DIP2C: variants seen among roughly 807,000 people sequenced by gnomAD.
The protein encoded by DIP2C is disco-interacting protein 2 homolog C.
Under a neutral mutation model 192.4 loss-of-function variants are expected in DIP2C, and 33 were observed. The ratio of observed to expected loss-of-function variants is 0.17; its 90% confidence interval spans 0.13 to 0.23. The LOEUF is 0.23. DIP2C is among the 10% of genes least tolerant of loss of function. The probability of loss-of-function intolerance (pLI) is 1.00; values close to 1 mark genes in which losing one functional copy is unlikely to be tolerated. For missense variants in DIP2C, 1,537 were observed against 2,110.1 expected (o/e 0.73, Z 5.32); for synonymous variants, 979 against 864.1 (o/e 1.13, Z -2.33).
chr10:536,249 G>C (rs1847685880), intron 1 of DIP2C, among the ~76,000 whole-genome samples: 1 of 152,224 alleles, frequency 6.6e-6, no homozygotes, highest in African/African-American at 2.4e-5. Flanking sequence ...TTTTCTCTGT[G>C]TCTCAAATTT....
chr10:444,738 C>T (rs559008302), intron 3 of DIP2C, among the ~76,000 whole-genome samples: 4 of 152,326 alleles, frequency 2.6e-5, no homozygotes, highest in African/African-American at 7.2e-5. Context: ...AACTCATCGC[C>T]GTTGCCTATT....
chr10:531,514 T>A (rs1351625862), intron 1 of DIP2C, among the ~76,000 whole-genome samples: 1 of 152,184 alleles, frequency 6.6e-6, no homozygotes, highest in Non-Finnish European at 1.5e-5. Context: ...GTATCATACG[T>A]GCCGTTCACC....
At chr10:280,110 T>C (rs1443836599) in intron 36 of DIP2C, among the ~76,000 whole-genome samples, 2 of 152,212 alleles carry the variant, frequency 1.3e-5, no homozygotes, top group South Asian at 2.1e-4. Context: ...AAATCGACAA[T>C]CTGAGGACTT....
At chr10:644,052 C>T (rs1248075944) in intron 1 of DIP2C, among the ~76,000 whole-genome samples, 1 of 152,216 alleles carries the variant, frequency 6.6e-6, no homozygotes, top group African/African-American at 2.4e-5. Flanking sequence ...GCTTAGGAAG[C>T]TGCGGCTGTT....
At chr10:511,387 T>G (rs766760717) in intron 1 of DIP2C, among the ~76,000 whole-genome samples, 1 of 152,230 alleles carries the variant, frequency 6.6e-6, no homozygotes, top group African/African-American at 2.4e-5. Flanking sequence ...AAAGGAAAAC[T>G]TCTGTTACCA....
rs1054729107 is a variant in DIP2C, at chr10:652,623, A to C, written c.85+36871T>G. 21 of 152,810 alleles carry C rather than the reference A, an allele frequency of 1.4e-4. No homozygotes were observed. The highest frequency in any genetic ancestry group is 9.8e-4 in the Admixed American group (15 of 15,278). 9.5% of individuals were successfully genotyped at this position (152,810 alleles called of 1,614,324 possible). ...CAATCACTCAAGCTTCACTTTGATC[A>C]CTTGCTCTACCAAATAAAACAGAAC... is the stretch of plus-strand genomic sequence containing the variant. On this transcript the variant is annotated intron_variant, in intron 1 of 36. Transcript: ENST00000280886. This position sits in a 1 kb window ranked among gnomAD's most constrained non-coding sequence, Gnocchi z 4.5.
chr10:414,360 C>T (rs532666644), intron 7 of DIP2C, among the ~76,000 whole-genome samples: 100 of 152,226 alleles, frequency 6.6e-4, no homozygotes, highest in African/African-American at 2.3e-3. Flanking sequence ...CAGCTGCAAA[C>T]TGATAACAGG....
chr10:431,385 GA>G (rs1966854001), intron 4 of DIP2C, among the ~76,000 whole-genome samples: 1 of 152,168 alleles, frequency 6.6e-6, no homozygotes, highest in African/African-American at 2.4e-5. Context: ...ATAAGATCTT[GA>G]ACATATTTTG....
At chr10:445,145 C>T (rs1300683555) in intron 3 of DIP2C, among the ~76,000 whole-genome samples, 1 of 152,248 alleles carries the variant, frequency 6.6e-6, no homozygotes, top group Non-Finnish European at 1.5e-5. Flanking sequence ...CCAAATGACC[C>T]CTGGTGAGCG....
At chr10:452,091 A>G (rs140807708) in intron 3 of DIP2C, among the ~76,000 whole-genome samples, 1 of 152,324 alleles carries the variant, frequency 6.6e-6, no homozygotes, top group East Asian at 1.9e-4. Flanking sequence ...GGGTAACACG[A>G]GCAGGAGGGA....
At chr10:330,287 T>C (rs1037880900) in intron 29 of DIP2C, among the ~76,000 whole-genome samples, 1 of 152,082 alleles carries the variant, frequency 6.6e-6, no homozygotes, top group South Asian at 2.1e-4. Flanking sequence ...TAGAGAAAAA[T>C]AACGATTCTT....
intron 31 of DIP2C, among the ~76,000 whole-genome samples, chr10:319,251 G>T (rs1452201691): frequency 6.6e-6 from 1 of 152,112 alleles, no homozygotes; most frequent in Admixed American, 6.6e-5. Flanking sequence ...CTATTACTAG[G>T]GGGGCTGTAT....
At chr10:427,180 A>C (rs1966648938) in intron 4 of DIP2C, among the ~76,000 whole-genome samples, 1 of 152,152 alleles carries the variant, frequency 6.6e-6, no homozygotes, top group African/African-American at 2.4e-5. Context: ...TCAAAGGAGA[A>C]TCCATTTCTT....
At chr10:335,209 T>C (rs1303585121) in intron 29 of DIP2C, among the ~76,000 whole-genome samples, 4 of 152,344 alleles carry the variant, frequency 2.6e-5, no homozygotes, top group South Asian at 4.1e-4. Context: ...CACAAATTAT[T>C]TGTGTTACTT....
At chr10:531,266 C>T (rs1847353940) in intron 1 of DIP2C, among the ~76,000 whole-genome samples, 1 of 152,092 alleles carries the variant, frequency 6.6e-6, no homozygotes, top group South Asian at 2.1e-4. Context: ...GAACAAACCC[C>T]ACTTTCCCTG....
At chr10:537,784 C>T (rs1023036836) in intron 1 of DIP2C, among the ~76,000 whole-genome samples, 6 of 148,772 alleles carry the variant, frequency 4.0e-5, no homozygotes, top group East Asian at 3.9e-4. Flanking sequence ...AGTTATCTTT[C>T]GTCTGCGAAT....
intron 4 of DIP2C, among the ~76,000 whole-genome samples, chr10:429,679 A>C (rs1386297836): frequency 6.6e-6 from 1 of 151,572 alleles, no homozygotes; most frequent in East Asian, 2.0e-4. Flanking sequence ...GAAAGAAGTC[A>C]ATTTAAGTTT....
chr10:619,457 AG>A (rs1236065651), intron 1 of DIP2C, among the ~76,000 whole-genome samples: 1 of 147,062 alleles, frequency 6.8e-6, no homozygotes, highest in East Asian at 2.1e-4. Flanking sequence ...AGCCCACGGC[AG>A]CCCTGGCGGC....
At chr10:519,523 T>C (rs1275365184) in intron 1 of DIP2C, among the ~76,000 whole-genome samples, 2 of 152,118 alleles carry the variant, frequency 1.3e-5, no homozygotes, top group Non-Finnish European at 2.9e-5. Flanking sequence ...ACCTCCATCC[T>C]GGTGGGAAAT....
Sources: allele counts gnomAD v4.1 joint callset (sites outside exome capture counted in the v4.1 genomes callset), GRCh38; gene constraint gnomAD v4.1.1; non-coding constraint Gnocchi (gnomAD v3.1); transcripts MANE v1.5; gene names NCBI Gene and HGNC (gene_info 2026-07-23, HGNC 2026-07-21).